LVRN: variants seen among roughly 807,000 people sequenced by gnomAD.
LVRN encodes the protein laeverin.
In LVRN, 99 loss-of-function variants were observed where a neutral mutation model predicts 111.4. The observed-to-expected ratio is 0.89, with a 90% CI of 0.76 to 1.05. The LOEUF (loss-of-function observed/expected upper bound fraction) is 1.05, where lower values mean the gene tolerates loss of function less well. Among genes scored for constraint, LVRN ranks in the 50% least tolerant of loss-of-function variants. LVRN has a pLI of 0.00. For missense variants in LVRN, 1,414 were observed against 1,206.8 expected, an observed-to-expected ratio of 1.17 and a Z score of -2.54; for synonymous variants, 488 against 449.5, an observed-to-expected ratio of 1.09 and a Z score of -1.08.
chr5:115,977,240 T>C (rs1281135603), intron 1 of LVRN, among the ~76,000 whole-genome samples: 4 of 152,202 alleles, frequency 2.6e-5, no homozygotes, highest in Non-Finnish European at 2.9e-5. Context: ...CGGCAAATTC[T>C]AGCTGTCTAG....
chr5:116,003,226 C>T lies in LVRN; in HGVS notation c.1898-15C>T. 3.2e-6 allele frequency: 5 copies of T among 1,560,734 alleles called. No individual in the cohort carries two copies. In the South Asian group the frequency reaches 3.6e-5, roughly 11 times the overall value. ...TAAATGTACCATTTCAAATTATTCC[C>T]ATATTCCTTTATAGAAGTATTCCCA... On this transcript the variant is annotated splice_polypyrimidine_tract_variant and intron_variant, in intron 11 of 19. Coordinates refer to ENST00000357872, the MANE Select transcript of LVRN (RefSeq NM_173800.5).
chr5:115,998,188 T>C (rs1748161490), intron 6 of LVRN, among the ~76,000 whole-genome samples: 3 of 152,358 alleles, frequency 2.0e-5, no homozygotes, highest in African/African-American at 7.2e-5. Flanking sequence ...TATGTATTTA[T>C]ATATTTTAAG....
intron 1 of LVRN, among the ~76,000 whole-genome samples, chr5:115,970,349 T>G (rs1359888966): frequency 6.6e-6 from 1 of 152,086 alleles, no homozygotes; most frequent in Non-Finnish European, 1.5e-5. Flanking sequence ...CATGTCTAAC[T>G]TCTTTCGTTC....
At chr5:116,011,028 G>GTATTCTGTA (rs1178717848) in intron 14 of LVRN, 134 bp downstream of exon 14, 1 of 210,362 alleles carries the variant, frequency 4.8e-6, no homozygotes, top group African/African-American at 3.1e-5. Context: ...TATATATATG[G>GTATTCTGTA]AAGTATATAC....
intron 1 of LVRN, among the ~76,000 whole-genome samples, chr5:115,971,265 T>A (rs968404872): frequency 9.4e-6 from 1 of 106,902 alleles, no homozygotes; most frequent in African/African-American, 3.8e-5. Context: ...TTGCAAATAA[T>A]TTTTCAGTTG....
chr5:116,019,800 A>G (rs896989748), intron 18 of LVRN: 1 of 152,238 alleles, frequency 6.6e-6, no homozygotes, highest in East Asian at 1.9e-4. Context: ...TGGCAGAGGC[A>G]GCTTGCCTAA....
intron 4 of LVRN, among the ~76,000 whole-genome samples, chr5:115,990,118 T>TA (rs1261330100): frequency 6.6e-6 from 1 of 152,208 alleles, no homozygotes; most frequent in Non-Finnish European, 1.5e-5. Context: ...ATGTACCCCT[T>TA]ATATAGAACA....
At chr5:115,985,321 AG>A (rs1458220496) in intron 3 of LVRN, among the ~76,000 whole-genome samples, 3 of 152,140 alleles carry the variant, frequency 2.0e-5, no homozygotes, top group Non-Finnish European at 2.9e-5. Context: ...TGTTTTATTA[AG>A]GGAACTTAAA....
chr5:115,983,254 A>T (rs905435036), intron 1 of LVRN, 33 bp from the exon 2 acceptor site: 1 of 1,502,074 alleles, frequency 6.7e-7, no homozygotes, highest in Non-Finnish European at 8.9e-7. Context: ...TTGAAATAAA[A>T]ATAAATAAAA....
At chr5:116,002,796 T>A (rs1404431441) in intron 10 of LVRN, 39 bp from the exon 11 acceptor site, 1 of 1,417,828 alleles carries the variant, frequency 7.1e-7, no homozygotes, top group Admixed American at 1.8e-5. Context: ...TGTTTTTATG[T>A]GTGAAAAGTA....
Position 115,999,860 on chromosome 5 carries a change from A to G in LVRN, c.1473A>G (p.Thr491=), listed in dbSNP as rs779787577. 9.3e-6 allele frequency: 15 copies of G among 1,613,644 alleles called. No homozygotes were observed. Among genetic ancestry groups the G allele is most frequent in the Non-Finnish European group, 5.9e-6 (7 of 1,179,860 alleles). ...CCATGAAGGTGGAAAATTTCAAAAC[A>G]AGTGAAATACAGGAACTCTTTGACA... ...AVAMKVENFK[T]SEIQELFDIF... is the part of the protein sequence containing the mutation. The change falls in exon 7 of 20, where the codon ACA becomes ACG. Residue 491 remains threonine (T), a synonymous_variant. Coordinates refer to ENST00000357872, the MANE Select transcript of LVRN (RefSeq NM_173800.5).
chr5:116,017,635 A>G (rs1748629314), intron 18 of LVRN, among the ~76,000 whole-genome samples: 1 of 152,228 alleles, frequency 6.6e-6, no homozygotes. Context: ...TCTTAGGATG[A>G]GGAGAGTGCT....
At position 116,003,084 on chromosome 5, in the gene LVRN, AAATATATAATTACCTGGTAAGAGC is replaced by A. The variant is rs1748270786; in HGVS notation, c.1898-148_1898-125del. Among the ~76,000 whole-genome samples, 3 of 152,334 alleles carry A rather than the reference AAATATATAATTACCTGGTAAGAGC, an allele frequency of 2.0e-5. No homozygotes were observed. The South Asian group carries it at 6.2e-4, about 32-fold the overall frequency. ...CAAATCAAAAGCCATTATATGTGAA[AAATATATAATTACCTGGTAAGAGC>A]AATATATATTTTAGAATTCCTTTAA... On this transcript the variant is annotated intron_variant, in intron 11 of 19. Transcript: ENST00000357872.
rs1747918264 is a variant in LVRN at position 115,988,536 on chromosome 5, C to A, written c.1105+597C>A. 2.0e-5 allele frequency among the ~76,000 whole-genome samples: 3 copies of A among 152,108 alleles called. No homozygotes were observed. In the South Asian group the frequency reaches 6.2e-4, roughly 32 times the overall value. ...GAGCCACTCAGCTCAGAAAGTTGTT[C>A]ATTGTTTTTTCTCTAAATTGAAAGT... On this transcript the variant is annotated intron_variant, in intron 4 of 19. Transcript: ENST00000357872.
At chr5:115,976,244 A>C (rs1346393348) in intron 1 of LVRN, 1 of 152,440 alleles carries the variant, frequency 6.6e-6, no homozygotes, top group Non-Finnish European at 1.5e-5. Context: ...GAGCTTCGCC[A>C]GATAGCAATG....
At chr5:116,011,001 TTCCA>T in intron 14 of LVRN, 107 bp downstream of exon 14, 1 of 457,032 alleles carries the variant, frequency 2.2e-6, no homozygotes, top group Non-Finnish European at 3.0e-6. Context: ...ATAGTCTTAG[TTCCA>T]TATATATATA....
In LVRN at chr5:115,983,448, CTA is replaced by C; in HGVS notation, c.838+23_838+24del. 6.3e-7 allele frequency: 1 copy of C among 1,577,614 alleles called. No homozygotes were observed. The highest frequency in any genetic ancestry group is 8.6e-7 in the Non-Finnish European group (1 of 1,167,002). ...AAGCTAGGTAAGTAATGCTTTCTGT[CTA>C]TATCTAGCTGTCTATCTATATAAGC... is the stretch of plus-strand genomic sequence containing the variant. On this transcript the variant is annotated intron_variant, in intron 2 of 19. Transcript: ENST00000357872.
At chr5:116,014,560 G>C in intron 16 of LVRN, 33 bp downstream of exon 16, 1 of 1,561,764 alleles carries the variant, frequency 6.4e-7, no homozygotes, top group Non-Finnish European at 8.8e-7. Flanking sequence ...TCTTGTTTTT[G>C]TCCTATTTTA....
chr5:115,990,976 C>T (rs1747973112), intron 4 of LVRN, among the ~76,000 whole-genome samples: 1 of 152,112 alleles, frequency 6.6e-6, no homozygotes, highest in Non-Finnish European at 1.5e-5. Flanking sequence ...TTCCTTTCTT[C>T]TCCCTCCTTT....
Sources: allele counts gnomAD v4.1 joint callset (sites outside exome capture counted in the v4.1 genomes callset), GRCh38; gene constraint gnomAD v4.1.1; transcripts MANE v1.5; gene names NCBI Gene and HGNC (gene_info 2026-07-23, HGNC 2026-07-21).